The following DCLK1 variants were observed in gnomAD, a reference collection of about 807,000 sequenced individuals.
DCLK1 encodes the protein doublecortin like kinase 1, also known as serine/threonine-protein kinase DCLK1.
A neutral mutation model predicts 86.2 loss-of-function variants in DCLK1; 16 were observed. The ratio of observed to expected loss-of-function variants is 0.19; its 90% CI spans 0.13 to 0.28. The LOEUF (loss-of-function observed/expected upper bound fraction) is 0.28, where lower values mean the gene tolerates loss of function less well. Among genes scored for constraint, DCLK1 ranks in the 10% least tolerant of loss-of-function variants. The pLI, the probability that DCLK1 is intolerant of heterozygous loss-of-function variation, is 1.00. For missense variants in DCLK1, 590 were observed against 940.2 expected (o/e 0.63, Z 4.87); for synonymous variants, 369 against 370.5 (o/e 1.00, Z 0.05).
At chr13:35,809,982 G>A (rs1205943602) in intron 12 of DCLK1, among the ~76,000 whole-genome samples, 2 of 152,152 alleles carry the variant, frequency 1.3e-5, no homozygotes, top group Non-Finnish European at 2.9e-5. Flanking sequence ...AACTGCTAAT[G>A]AGAAGAAAAA....
At chr13:36,063,143 A>G (rs1439124817) in intron 3 of DCLK1, among the ~76,000 whole-genome samples, 1 of 152,208 alleles carries the variant, frequency 6.6e-6, no homozygotes, top group African/African-American at 2.4e-5. Flanking sequence ...CATGATTTTC[A>G]TCATCTCAGC....
chr13:35,817,593 C>T (rs1681841751), intron 11 of DCLK1, among the ~76,000 whole-genome samples: 1 of 152,136 alleles, frequency 6.6e-6, no homozygotes, highest in Non-Finnish European at 1.5e-5. Flanking sequence ...TTATCCCGTC[C>T]TCCATGTGGC....
intron 4 of DCLK1, among the ~76,000 whole-genome samples, chr13:35,935,646 G>A (rs1251830527): frequency 6.6e-6 from 1 of 152,146 alleles, no homozygotes; most frequent in African/African-American, 2.4e-5. Flanking sequence ...AATAGTCATA[G>A]GGAAGTTCAT....
At chr13:36,007,008 T>C (rs1314812259) in intron 3 of DCLK1, among the ~76,000 whole-genome samples, 4 of 152,244 alleles carry the variant, frequency 2.6e-5, no homozygotes, top group Admixed American at 6.5e-5. Context: ...GATTTATATC[T>C]TGATGAAAAG....
intron 5 of DCLK1, among the ~76,000 whole-genome samples, chr13:35,866,616 A>ATT (rs34743728): frequency 0.031 from 4,168 of 135,238 alleles, 232 homozygotes; most frequent in African/African-American, 0.11. Flanking sequence ...TAATTTTTGT[A>ATT]TTTTTTTTTT....
chr13:36,020,095 G>A (rs1219430679), intron 3 of DCLK1, among the ~76,000 whole-genome samples: 1 of 152,102 alleles, frequency 6.6e-6, no homozygotes, highest in Non-Finnish European at 1.5e-5. Flanking sequence ...ATACATGGCT[G>A]TCCTCTGCCT....
At chr13:36,062,795 C>T (rs1457021112) in intron 3 of DCLK1, among the ~76,000 whole-genome samples, 1 of 152,142 alleles carries the variant, frequency 6.6e-6, no homozygotes, top group East Asian at 1.9e-4. Flanking sequence ...ACTGGATCTA[C>T]CTTAAATAAA....
intron 3 of DCLK1, among the ~76,000 whole-genome samples, chr13:36,092,555 C>G (rs1164580745): frequency 7.6e-6 from 1 of 131,444 alleles, no homozygotes; most frequent in Non-Finnish European, 1.6e-5. Flanking sequence ...GGCGGGATCT[C>G]GGCTCACTGC....
chr13:35,844,852 G>A (rs962198385), intron 6 of DCLK1, among the ~76,000 whole-genome samples: 1 of 152,164 alleles, frequency 6.6e-6, no homozygotes, highest in Non-Finnish European at 1.5e-5. Flanking sequence ...AAATAATAAA[G>A]AGAACCAATT....
At chr13:35,985,931 G>A (rs1879879745) in intron 3 of DCLK1, among the ~76,000 whole-genome samples, 1 of 152,144 alleles carries the variant, frequency 6.6e-6, no homozygotes, top group Admixed American at 6.5e-5. Context: ...CAGATTTAAG[G>A]AAAAGTAAAA....
rs1360041508 is a variant in DCLK1 at position 35,850,631 on chromosome 13, CTT to C, written c.1035+3866_1035+3867del. On this transcript the variant is annotated intron_variant, in intron 6 of 16. Transcript: ENST00000360631. ...TTATCATTTCAAGGTATGCAAAACT[CTT>C]TTGTGTATTTTGCTGTAAGACTTTT... The C allele has an allele frequency of 4.3e-6, 6 of 1,387,238 alleles. No homozygotes were observed. The African/African-American group carries it at 5.9e-5, about 14-fold the overall frequency. 85.9% of individuals were successfully genotyped at this position (1,387,238 alleles called of 1,614,324 possible).
intron 16 of DCLK1, among the ~76,000 whole-genome samples, chr13:35,775,197 C>T (rs1021452157): frequency 6.6e-5 from 10 of 152,172 alleles, no homozygotes; most frequent in African/African-American, 2.4e-4. Context: ...AGCACCTCCT[C>T]ACTCTAAATG....
rs541162091 is a variant in DCLK1, at chr13:35,955,918, T to A, written c.724-8461A>T. On this transcript the variant is annotated intron_variant, in intron 3 of 16. Transcript: ENST00000360631. ...TTGGGGCTATTATTTAAGAATAGAA[T>A]ACTAAACTTAAATATCTGGGAAAGA... 3.3e-5 allele frequency among the ~76,000 whole-genome samples: 5 copies of A among 152,298 alleles called. No homozygotes were observed. The South Asian group carries it at 8.3e-4, about 25-fold the overall frequency.
intron 4 of DCLK1, among the ~76,000 whole-genome samples, chr13:35,898,770 C>T (rs747636011): frequency 3.0e-4 from 45 of 151,970 alleles, no homozygotes; most frequent in Middle Eastern, 3.4e-3. Context: ...GAGACAGGGT[C>T]CTGCTCTGTC....
chr13:35,896,178 T>A (rs1213122675), intron 4 of DCLK1, among the ~76,000 whole-genome samples: 1 of 152,144 alleles, frequency 6.6e-6, no homozygotes, highest in African/African-American at 2.4e-5. Context: ...CACACAATTT[T>A]CAGAGAGACT....
At chr13:35,897,986 T>C (rs1000017260) in intron 4 of DCLK1, among the ~76,000 whole-genome samples, 5 of 152,242 alleles carry the variant, frequency 3.3e-5, no homozygotes, top group Non-Finnish European at 7.3e-5. Flanking sequence ...ATTAATATTG[T>C]AGGTCTTCAA....
chr13:35,943,007 A>G (rs1877166851), intron 4 of DCLK1, among the ~76,000 whole-genome samples: 1 of 152,200 alleles, frequency 6.6e-6, no homozygotes, highest in Admixed American at 6.5e-5. Context: ...TTTAGGTTGA[A>G]TTTTGTTCCC....
intron 15 of DCLK1, among the ~76,000 whole-genome samples, chr13:35,802,149 T>C (rs1038896358): frequency 6.6e-5 from 10 of 152,040 alleles, no homozygotes; most frequent in Non-Finnish European, 1.3e-4. Context: ...TAAAAATGTA[T>C]TTAGAAATCT....
intron 3 of DCLK1, among the ~76,000 whole-genome samples, chr13:36,087,968 G>A (rs912720125): frequency 2.6e-5 from 4 of 152,218 alleles, no homozygotes; most frequent in Non-Finnish European, 5.9e-5. Context: ...CATGAGCATA[G>A]GATGCTCTGG....
Sources: allele counts gnomAD v4.1 joint callset (sites outside exome capture counted in the v4.1 genomes callset), GRCh38; gene constraint gnomAD v4.1.1; transcripts MANE v1.5; gene names NCBI Gene and HGNC (gene_info 2026-07-23, HGNC 2026-07-21).